The following WDR33 variants were observed in gnomAD, a reference collection of about 807,000 sequenced individuals.
The protein encoded by WDR33 is WD repeat domain 33.
Under a neutral mutation model 164.9 loss-of-function variants are expected in WDR33, and 47 were observed. The observed-to-expected ratio is 0.29, with a 90% CI of 0.23 to 0.36. WDR33 has a LOEUF of 0.36. Ranked by LOEUF, WDR33 falls within the 10% of genes least tolerant of loss-of-function variation. The probability of loss-of-function intolerance (pLI) is 1.00; values close to 1 mark genes in which losing one functional copy is unlikely to be tolerated. For missense variants in WDR33, 1,137 were observed against 1,754.1 expected (o/e 0.65, Z 6.28); for synonymous variants, 505 against 589.0 (o/e 0.86, Z 2.06).
chr2:127,810,181 T>C (rs335136), intron 1 of WDR33, among the ~76,000 whole-genome samples: 23,795 of 152,184 alleles, frequency 0.16, 2,018 homozygotes, highest in African/African-American at 0.2. Context: ...GTTCATATTC[T>C]AATGTCTTCC....
At chr2:127,757,133 T>C (rs1021220845) in intron 7 of WDR33, among the ~76,000 whole-genome samples, 1 of 150,420 alleles carries the variant, frequency 6.6e-6, no homozygotes, top group African/African-American at 2.5e-5. Context: ...TGGGAGTGGC[T>C]CTTGACTCTT....
intron 7 of WDR33, among the ~76,000 whole-genome samples, chr2:127,752,618 A>G (rs1332276665): frequency 6.6e-6 from 1 of 150,818 alleles, no homozygotes; most frequent in African/African-American, 2.4e-5. Flanking sequence ...AAAAAAAAAA[A>G]AAGAAACAGT....
chr2:127,737,049 T>C, intron 7 of WDR33: 1 of 985,436 alleles, frequency 1.0e-6, no homozygotes, highest in African/African-American at 1.7e-5. Flanking sequence ...TCAGTTATAA[T>C]AACCAGAAAG....
At position 127,761,638 on chromosome 2, in the gene WDR33, C is replaced by T. The variant is rs189838522; in HGVS notation, c.724+1424G>A. Among the ~76,000 whole-genome samples, 276 of 152,298 alleles carry T rather than the reference C, an allele frequency of 1.8e-3. 3 individuals are homozygous for T. Among genetic ancestry groups the T allele is most frequent in the African/African-American group, 6.4e-3 (267 of 41,566 alleles). On this transcript the variant is annotated intron_variant, in intron 7 of 21. Coordinates refer to ENST00000322313, the MANE Select transcript of WDR33 (RefSeq NM_018383.5). ...GAGGAAAGATTCAACATAAGTGTGG[C>T]ATTAGGCTGGGAGTCAAATGATAAG... is the stretch of plus-strand genomic sequence containing the variant.
intron 1 of WDR33, among the ~76,000 whole-genome samples, chr2:127,792,119 A>G (rs1030412058): frequency 1.3e-5 from 2 of 151,664 alleles, no homozygotes; most frequent in Non-Finnish European, 2.9e-5. Flanking sequence ...TTGTATTTTT[A>G]GTAGAGACTG....
Position 127,713,871 on chromosome 2 carries a change from G to A in WDR33, c.3020C>T (p.Pro1007Leu). The A allele has an allele frequency of 6.2e-7, 1 of 1,614,256 alleles. No individual in the cohort carries two copies. The highest frequency in any genetic ancestry group is 8.5e-7 in the Non-Finnish European group (1 of 1,180,048). ...RGPPDRRGPH[P>L]DFPDDFSRPD... ...TCTGCTGAAGTCATCGGGGAAGTCT[G>A]GGTGAGGGCCACGCCTATCAGGGGG... Residue 1007 changes from proline to leucine, a missense_variant, in exon 18 of 22, where the codon CCA (proline) becomes CTA (leucine). This residue lies in a region of WDR33 where 867 missense variants were observed against 1,073.0 expected (regional missense o/e 0.81). Transcript: ENST00000322313. This position sits in a 1 kb window ranked among gnomAD's most constrained non-coding sequence, Gnocchi z 6.2.
chr2:127,794,223 G>A (rs1272282324), intron 1 of WDR33, among the ~76,000 whole-genome samples: 1 of 152,022 alleles, frequency 6.6e-6, no homozygotes, highest in Admixed American at 6.6e-5. Flanking sequence ...AAGCCGGCCA[G>A]GCACGGTGGC....
Position 127,763,156 on chromosome 2 carries a change from G to A in WDR33, c.630C>T (p.Phe210=). The change falls in exon 7 of 22, where the codon TTC becomes TTT. Residue 210 remains phenylalanine (F), a synonymous_variant. Transcript: ENST00000322313. This position sits in a 1 kb window ranked among gnomAD's most constrained non-coding sequence, Gnocchi z 4.5. ...AHKEAIREAS[F]SPTDNKFATC... is the part of the protein sequence containing the mutation. ...TAGCAAATTTATTATCCGTGGGTGA[G>A]AAACTGTTACATGAAGACACACAGC... 6.2e-7 allele frequency: 1 copy of A among 1,614,040 alleles called. No individual in the cohort carries two copies. The highest frequency in any genetic ancestry group is 8.5e-7 in the Non-Finnish European group (1 of 1,179,914).
chr2:127,764,083 G>GC lies in WDR33; in HGVS notation c.626+744dup. On this transcript the variant is annotated intron_variant, in intron 6 of 21. Transcript: ENST00000322313. This position sits in a 1 kb window ranked among gnomAD's most constrained non-coding sequence, Gnocchi z 6.2. The stretch of plus-strand genomic sequence containing the variant: ...TGCTTAGCTTTATTCTGAGGCTGCA[G>GC]CAATTCTTCAGGCTTGTATTTGGAA... 1 of 987,896 alleles carries GC rather than the reference G, an allele frequency of 1.0e-6. No individual in the cohort carries two copies. Among genetic ancestry groups the GC allele is most frequent in the Non-Finnish European group, 1.2e-6 (1 of 831,800 alleles). 61.2% of individuals were successfully genotyped at this position (987,896 alleles called of 1,614,324 possible). A position where few individuals can be genotyped will look rare whatever the true frequency, so the allele number is the denominator to read the frequency against.
Position 127,759,559 on chromosome 2 carries a change from C to T in WDR33, c.724+3503G>A, listed in dbSNP as rs571232107. On this transcript the variant is annotated intron_variant, in intron 7 of 21. Transcript: ENST00000322313. ...TACAAAAATTAGCCGGGCATGGTGACACATGCCTGTAATCCCAGTTACTCA... is the reference window on the plus strand; with the variant it reads ...TACAAAAATTAGCCGGGCATGGTGATACATGCCTGTAATCCCAGTTACTCA... 2.9e-3 allele frequency among the ~76,000 whole-genome samples: 436 copies of T among 152,076 alleles called. 1 individual carries two copies. The highest frequency in any genetic ancestry group is 5.1e-3 in the Non-Finnish European group (347 of 68,000).
In WDR33 at chr2:127,768,940, T is replaced by C; in HGVS notation, c.266A>G (p.Tyr89Cys). Residue 89 changes from tyrosine (Y) to cysteine (C), a missense_variant, in exon 3 of 22, where the codon TAC (tyrosine) becomes TGC (cysteine). Transcript: ENST00000322313. ...MRAIQPDAGY[Y>C]NDLVPPIGML... The stretch of plus-strand genomic sequence containing the variant: ...GACACATCATGTACTTACATCATTG[T>C]AATAACCTGCATCAGGCTGAATTGC... The C allele has an allele frequency of 1.3e-6, 2 of 1,594,110 alleles. No homozygotes were observed. Among genetic ancestry groups the C allele is most frequent in the Non-Finnish European group, 1.7e-6 (2 of 1,171,100 alleles).
At chr2:127,751,594 A>G (rs1687365073) in intron 7 of WDR33, among the ~76,000 whole-genome samples, 1 of 151,994 alleles carries the variant, frequency 6.6e-6, no homozygotes, top group Non-Finnish European at 1.5e-5. Flanking sequence ...CACTTAAAAA[A>G]GATACAAATG....
chr2:127,769,611 A>G (rs989692831), intron 2 of WDR33, among the ~76,000 whole-genome samples: 1 of 152,132 alleles, frequency 6.6e-6, no homozygotes, highest in African/African-American at 2.4e-5. Context: ...GCACAAAACA[A>G]TTCCTCATAT....
chr2:127,714,134 C>T lies in WDR33; in HGVS notation c.2870-113G>A. The T allele has an allele frequency of 8.3e-7, 1 of 1,203,052 alleles. No homozygotes were observed. Among genetic ancestry groups the T allele is most frequent in the Non-Finnish European group, 1.1e-6 (1 of 907,076 alleles). The allele number at this position is 1,203,052 out of a possible 1,614,324, so 74.5% of individuals were successfully genotyped here. A position where few individuals can be genotyped will look rare whatever the true frequency, so the allele number is the denominator to read the frequency against. ...ACATTCTTTATTGAGAATGTTTTCC[C>T]TCCTTGGTTCTCAGCTTAGTTAGGA... On this transcript the variant is annotated intron_variant, in intron 17 of 21. Coordinates refer to ENST00000322313, the MANE Select transcript of WDR33 (RefSeq NM_018383.5). The surrounding 1 kb of genome is among the most constrained non-coding windows in gnomAD (Gnocchi z 4.3).
chr2:127,753,258 A>G (rs1487624387), intron 7 of WDR33, among the ~76,000 whole-genome samples: 3 of 152,244 alleles, frequency 2.0e-5, no homozygotes, highest in Non-Finnish European at 2.9e-5. Flanking sequence ...ACCAATTCTA[A>G]GTTCATATCT....
chr2:127,719,310 C>G lies in WDR33; in HGVS notation c.2715G>C (p.Gln905His). The stretch of plus-strand genomic sequence containing the variant: ...GCCCATCACCTAGCAGAGGCGTTTT[C>G]TGTTGCTGGAATGGTATTGGCCCTT... ...PSQGPIPFQQ[Q>H]KTPLLGDGPR... Residue 905 changes from glutamine (Q) to histidine (H), a missense_variant, in exon 16 of 22, where the codon CAG becomes CAC. Physicochemically the swap from Gln to His is conservative, Grantham distance 24. Coordinates refer to ENST00000322313, the MANE Select transcript of WDR33 (RefSeq NM_018383.5). The surrounding 1 kb of genome is among the most constrained non-coding windows in gnomAD (Gnocchi z 6.5). 2.7e-5 allele frequency: 39 copies of G among 1,441,724 alleles called. No individual in the cohort carries two copies. Among genetic ancestry groups the G allele is most frequent in the Admixed American group, 2.6e-5 (1 of 39,198 alleles). The allele number at this position is 1,441,724 out of a possible 1,614,324, so 89.3% of individuals were successfully genotyped here.
rs1298562366 is a variant in WDR33, at chr2:127,717,216, C to T, written c.2808G>A (p.Gln936=). The change falls in exon 17 of 22, where the codon CAG becomes CAA. Residue 936 remains glutamine (Q), a synonymous_variant. Coordinates refer to ENST00000322313, the MANE Select transcript of WDR33 (RefSeq NM_018383.5). The surrounding 1 kb of genome is among the most constrained non-coding windows in gnomAD (Gnocchi z 5.6). The stretch of plus-strand genomic sequence containing the variant: ...GGGGAATGCGACCTTGTGCTCCCTG[C>T]TGCCCTAGGCCTGGTATCAGGGGTG... ...GPPPLIPGLG[Q]QGAQGRIPPL... The T allele has an allele frequency of 6.2e-7, 1 of 1,608,950 alleles. No individual in the cohort carries two copies. The highest frequency in any genetic ancestry group is 1.1e-5 in the South Asian group (1 of 89,756).
intron 1 of WDR33, among the ~76,000 whole-genome samples, chr2:127,807,279 T>C (rs1286134534): frequency 6.6e-6 from 1 of 152,204 alleles, no homozygotes; most frequent in Admixed American, 6.6e-5. Flanking sequence ...GTGCTGGGAT[T>C]ACAGATGTGA....
In WDR33 at chr2:127,781,320, G is replaced by T. The variant is rs13417327; in HGVS notation, c.-23-10316C>A. 7.0e-3 allele frequency among the ~76,000 whole-genome samples: 1,067 copies of T among 152,292 alleles called. 10 individuals are homozygous for T. Among genetic ancestry groups the T allele is most frequent in the African/African-American group, 0.024 (1,015 of 41,560 alleles). On this transcript the variant is annotated intron_variant, in intron 1 of 21. Transcript: ENST00000322313. ...TGACTGCCAAGAGTTAGGGGGGTAG[G>T]AGAGGGTGGATGGGTGTGGTTATAA...
Sources: allele counts gnomAD v4.1 joint callset (sites outside exome capture counted in the v4.1 genomes callset), GRCh38; gene constraint gnomAD v4.1.1; regional missense constraint gnomAD v4.1.1; non-coding constraint Gnocchi (gnomAD v3.1); transcripts MANE v1.5; gene names NCBI Gene and HGNC (gene_info 2026-07-23, HGNC 2026-07-21).